The following EXOC6 variants were observed in gnomAD, a reference collection of about 807,000 sequenced individuals.
EXOC6 encodes the protein SEC15-like 1.
In EXOC6, 60 loss-of-function variants were observed where a neutral mutation model predicts 112.5. That is an observed-to-expected ratio of 0.53 (90% confidence interval 0.43 to 0.66). EXOC6 has a LOEUF of 0.66. Among genes scored for constraint, EXOC6 ranks in the 30% least tolerant of loss-of-function variants. The pLI is 0.00. For missense variants in EXOC6, 855 were observed against 957.1 expected (o/e 0.89, Z 1.41); for synonymous variants, 295 against 308.0 (o/e 0.96, Z 0.44).
intron 20 of EXOC6, among the ~76,000 whole-genome samples, chr10:93,042,227 A>C (rs1164741716): frequency 6.6e-6 from 1 of 152,178 alleles, no homozygotes; most frequent in Non-Finnish European, 1.5e-5. Flanking sequence ...CATCTGCTTG[A>C]AATACCACGA....
intron 18 of EXOC6, among the ~76,000 whole-genome samples, chr10:92,979,384 C>G (rs1842747485): frequency 1.3e-5 from 2 of 152,182 alleles, no homozygotes; most frequent in African/African-American, 2.4e-5. Flanking sequence ...TGACCATTGC[C>G]TAGTGAAAAG....
intron 1 of EXOC6, among the ~76,000 whole-genome samples, chr10:92,829,238 A>G (rs969744052): frequency 6.6e-6 from 1 of 152,172 alleles, no homozygotes; most frequent in East Asian, 1.9e-4. Flanking sequence ...TTCATGCACT[A>G]TGTAAACGTC....
intron 1 of EXOC6, among the ~76,000 whole-genome samples, chr10:92,872,168 G>A (rs1848482531): frequency 6.6e-6 from 1 of 151,818 alleles, no homozygotes; most frequent in East Asian, 1.9e-4. Context: ...GATTGCTCTA[G>A]GTGTATTCTA....
At chr10:92,978,594 C>G (rs375029313) in intron 18 of EXOC6, among the ~76,000 whole-genome samples, 48 of 152,042 alleles carry the variant, frequency 3.2e-4, no homozygotes, top group African/African-American at 1.1e-3. Context: ...ATTAAATATT[C>G]AACTAGATTG....
chr10:92,889,733 TTC>T (rs1849402860), intron 1 of EXOC6, among the ~76,000 whole-genome samples: 1 of 152,104 alleles, frequency 6.6e-6, no homozygotes, highest in African/African-American at 2.4e-5. Context: ...AGTATTCCAA[TTC>T]TGTTCTTTTT....
intron 20 of EXOC6, among the ~76,000 whole-genome samples, chr10:93,038,038 T>A: frequency 1.3e-5 from 1 of 78,582 alleles, no homozygotes; most frequent in African/African-American, 5.5e-5. Context: ...AGACTCCGTC[T>A]CCAAAAAAAA....
rs556021641 is a variant in EXOC6 at position 93,017,786 on chromosome 10, C to T, written c.2169+3519C>T. Among the ~76,000 whole-genome samples, 11 of 151,140 alleles carry T rather than the reference C, an allele frequency of 7.3e-5. No homozygotes were observed. In the South Asian group the frequency reaches 8.4e-4, roughly 12 times the overall value. On this transcript the variant is annotated intron_variant, in intron 20 of 21. Transcript: ENST00000260762. ...CAGCACTTTGGGAGGCTGAGGTGGG[C>T]GGATCATGAGGTCAGAAGGTCGAGA...
At chr10:92,851,217 G>T (rs765217952) in intron 1 of EXOC6, among the ~76,000 whole-genome samples, 1 of 152,174 alleles carries the variant, frequency 6.6e-6, no homozygotes, top group African/African-American at 2.4e-5. Flanking sequence ...AAGAGTGGAA[G>T]AAAGGAGATG....
At chr10:92,896,229 A>G (rs1352023735) in intron 4 of EXOC6, among the ~76,000 whole-genome samples, 1 of 95,092 alleles carries the variant, frequency 1.1e-5, no homozygotes, top group African/African-American at 4.2e-5. Context: ...GCGGAGTCTC[A>G]CTCTATCTCC....
intron 1 of EXOC6, among the ~76,000 whole-genome samples, chr10:92,863,846 C>T (rs539319736): frequency 2.7e-5 from 4 of 148,178 alleles, no homozygotes; most frequent in African/African-American, 1.0e-4. Flanking sequence ...ACCCGGGAGG[C>T]GGAGCTTGCA....
intron 19 of EXOC6, chr10:92,999,223 G>GTTT (rs35698961): frequency 1.3e-3 from 438 of 347,366 alleles, no homozygotes; most frequent in East Asian, 2.0e-3. Flanking sequence ...TTTTTTACAA[G>GTTT]TTTTTTTTTT....
rs779313722 is a variant in EXOC6, at chr10:92,895,013, C to A, written c.405C>A (p.Cys135Ter). 2 of 1,594,638 alleles carry A rather than the reference C, an allele frequency of 1.3e-6. No individual in the cohort carries two copies. The highest frequency in any genetic ancestry group is 2.2e-5 in the South Asian group (2 of 90,618). Residue 135 changes from cysteine to a stop codon, truncating the protein, a stop_gained, in exon 4 of 22, where the codon TGC becomes TGA. Coordinates refer to ENST00000260762, the MANE Select transcript of EXOC6 (RefSeq NM_019053.6). LOFTEE classifies it high-confidence loss of function. ...ITTVVEKLQL[C>*]LPVLEMYSKL... ...CTGTAGTAGAAAAATTGCAGTTATG[C>A]CTTCCTGGTGAGTTAAACTTGTCTA...
At chr10:93,003,071 T>C (rs1245790735) in intron 19 of EXOC6, among the ~76,000 whole-genome samples, 2 of 152,162 alleles carry the variant, frequency 1.3e-5, no homozygotes, top group Non-Finnish European at 2.9e-5. Context: ...AATCATAAAA[T>C]TTAAGCAATA....
chr10:92,912,941 T>A lies in EXOC6; in HGVS notation c.664-2817T>A, dbSNP rs563693918. 3.3e-5 allele frequency among the ~76,000 whole-genome samples: 5 copies of A among 152,332 alleles called. No homozygotes were observed. In the East Asian group the frequency reaches 9.7e-4, roughly 29 times the overall value. ...CATTCCCAGAGCTATGAACATCTGCTTTTCTGGGATAGGAATCTTGGTGAT... is the reference window on the plus strand; with the variant it reads ...CATTCCCAGAGCTATGAACATCTGCATTTCTGGGATAGGAATCTTGGTGAT... On this transcript the variant is annotated intron_variant, in intron 6 of 21. Coordinates refer to ENST00000260762, the MANE Select transcript of EXOC6 (RefSeq NM_019053.6).
intron 19 of EXOC6, among the ~76,000 whole-genome samples, chr10:93,008,070 G>T (rs1398371493): frequency 6.6e-6 from 1 of 152,138 alleles, no homozygotes; most frequent in Admixed American, 6.6e-5. Flanking sequence ...CTACTCAGGA[G>T]GCTGAGGCAG....
intron 20 of EXOC6, among the ~76,000 whole-genome samples, chr10:93,021,085 C>T (rs1174391082): frequency 6.6e-6 from 1 of 151,936 alleles, no homozygotes; most frequent in Non-Finnish European, 1.5e-5. Context: ...CAGACTTTGT[C>T]CCAGACCATT....
chr10:92,970,117 C>G (rs1419595274), intron 17 of EXOC6, among the ~76,000 whole-genome samples: 5 of 152,120 alleles, frequency 3.3e-5, no homozygotes, highest in Non-Finnish European at 5.9e-5. Flanking sequence ...TACTATGTGC[C>G]AAGCACTGTT....
chr10:92,848,627 AC>A lies in EXOC6; in HGVS notation c.97del (p.Leu33SerfsTer19). 5 of 1,423,384 alleles carry A rather than the reference AC, an allele frequency of 3.5e-6. No individual in the cohort carries two copies. The highest frequency in any genetic ancestry group is 4.7e-6 in the Non-Finnish European group (5 of 1,070,266). The allele number at this position is 1,423,384 out of a possible 1,614,324, so 88.2% of individuals were successfully genotyped here. On this transcript the variant is annotated frameshift_variant, in exon 1 of 22. Transcript: ENST00000260762. LOFTEE classifies it high-confidence loss of function. ...CACCGACACCGCCTGTGTGGGGCCC[AC>A]CCTCCGGTAAAGATCTCATCCCACC... Reference protein sequence around the residue: ...ESTDTACVGPTLRSVYDDQPN... With the variant: ...ESTDTACVGPXLRSVYDDQPN...
chr10:92,827,963 C>T (rs72813139), intron 1 of EXOC6, among the ~76,000 whole-genome samples: 1 of 152,260 alleles, frequency 6.6e-6, no homozygotes, highest in Non-Finnish European at 1.5e-5. Context: ...TCCCCAAATC[C>T]TAGTCAGTAG....
Sources: gnomAD v4.1 joint callset for allele counts (sites outside exome capture counted in the v4.1 genomes callset) on GRCh38, gnomAD v4.1.1 for gene constraint, MANE v1.5 for transcripts, NCBI Gene and HGNC (gene_info 2026-07-23, HGNC 2026-07-21) for gene names.